OR10J1: variants seen among roughly 807,000 people sequenced by gnomAD.
The protein encoded by OR10J1 is olfactory receptor family 10 subfamily J member 1, also known as olfactory receptor 10J1.
For synonymous variants in OR10J1, 202 were observed against 143.8 expected, an observed-to-expected ratio of 1.40 and a Z score of -2.89; for missense variants, 474 against 376.6, an observed-to-expected ratio of 1.26 and a Z score of -2.14.
chr1:159,430,640 G>GTGT, the OR10J1 span, among the ~76,000 whole-genome samples: 1 of 140,828 alleles, frequency 7.1e-6, no homozygotes, highest in Admixed American at 7.1e-5. Flanking sequence ...AAAAAATTAT[G>GTGT]GTGTGTGTGT....
At chr1:159,425,521 G>T in the OR10J1 span, among the ~76,000 whole-genome samples, 1 of 152,028 alleles carries the variant, frequency 6.6e-6, no homozygotes, top group South Asian at 2.1e-4. Flanking sequence ...TTATAGTTCT[G>T]ATGGAGAGTT....
At chr1:159,413,607 A>G in the OR10J1 span, among the ~76,000 whole-genome samples, 1 of 151,082 alleles carries the variant, frequency 6.6e-6, no homozygotes, top group African/African-American at 2.4e-5. Context: ...CCAAACACCA[A>G]ATGTTCTCAC....
chr1:159,401,618 A>G, the OR10J1 span, among the ~76,000 whole-genome samples: 4 of 152,012 alleles, frequency 2.6e-5, no homozygotes, highest in Non-Finnish European at 2.9e-5. Context: ...AAAAGTTTCC[A>G]GGAAAGAAAA....
chr1:159,424,001 G>C, the OR10J1 span, among the ~76,000 whole-genome samples: 3 of 152,104 alleles, frequency 2.0e-5, no homozygotes, highest in Non-Finnish European at 2.9e-5. Flanking sequence ...TGGGTCACTA[G>C]GTCAGGAGTT....
chr1:159,439,867 AC>A lies in OR10J1; in HGVS notation c.79del (p.Leu27PhefsTer11). On this transcript the variant is annotated frameshift_variant, in exon 1 of 1. Transcript: ENST00000423932. LOFTEE classifies it low-confidence loss of function (END_TRUNC). ...GFSSFHEQQI[T>X]LFGVFLALYI... ...CTCTAGCTTCCATGAGCAGCAGATC[AC>A]CCTTTTTGGCGTGTTCCTTGCACTA... is the stretch of plus-strand genomic sequence containing the variant. 6.2e-7 allele frequency: 1 copy of A among 1,614,126 alleles called. No homozygotes were observed. The highest frequency in any genetic ancestry group is 8.5e-7 in the Non-Finnish European group (1 of 1,180,012).
the OR10J1 span, among the ~76,000 whole-genome samples, chr1:159,424,283 T>A: frequency 6.6e-6 from 1 of 150,716 alleles, no homozygotes; most frequent in South Asian, 2.1e-4. Context: ...AAAATAGAGA[T>A]AATGCATTAA....
At chr1:159,406,315 G>C in the OR10J1 span, 1 of 503,040 alleles carries the variant, frequency 2.0e-6, no homozygotes, top group Non-Finnish European at 4.1e-6. Context: ...CCTGAAGCTG[G>C]AGAAACCTTC....
chr1:159,405,955 G>A, the OR10J1 span: 7 of 485,076 alleles, frequency 1.4e-5, no homozygotes, highest in East Asian at 2.5e-4. Context: ...CCAGACACAA[G>A]CCCTCTTACC....
chr1:159,419,962 C>T, the OR10J1 span, among the ~76,000 whole-genome samples: 1 of 152,002 alleles, frequency 6.6e-6, no homozygotes, highest in African/African-American at 2.4e-5. Flanking sequence ...GAGTCTCTCT[C>T]TCTCTTTAGA....
At chr1:159,404,635 G>A in the OR10J1 span, among the ~76,000 whole-genome samples, 1 of 152,068 alleles carries the variant, frequency 6.6e-6, no homozygotes, top group Non-Finnish European at 1.5e-5. Flanking sequence ...AGCCTTGCCT[G>A]TACTATCCAA....
upstream of OR10J1, chr1:159,439,606 C>T (rs1655843833): frequency 4.3e-6 from 3 of 694,860 alleles, no homozygotes; most frequent in African/African-American, 1.8e-5. Flanking sequence ...CAGATGGTCA[C>T]AGAGTAAAAA....
chr1:159,421,414 A>T, the OR10J1 span, among the ~76,000 whole-genome samples: 4 of 151,946 alleles, frequency 2.6e-5, no homozygotes, highest in Non-Finnish European at 5.9e-5. Context: ...TTTGATTTGG[A>T]TCTCTTGCTG....
At position 159,440,548 on chromosome 1, in the gene OR10J1, T is replaced by TAC. The variant is rs752950492; in HGVS notation, c.757_758insAC (p.Cys253TyrfsTer21). The TAC allele has an allele frequency of 6.2e-7, 1 of 1,614,080 alleles. No homozygotes were observed. Among genetic ancestry groups the TAC allele is most frequent in the South Asian group, 1.1e-5 (1 of 91,072 alleles). ...CACTGTGGTCATTGTCCACTACAGC[T>TAC]GTGCCTCCATTGCCTACCTCAAGCC... is the stretch of plus-strand genomic sequence containing the variant. On this transcript the variant is annotated frameshift_variant, in exon 1 of 1. Transcript: ENST00000423932. LOFTEE classifies it low-confidence loss of function (END_TRUNC).
the OR10J1 span, among the ~76,000 whole-genome samples, chr1:159,414,056 A>G: frequency 1.3e-5 from 2 of 152,096 alleles, no homozygotes; most frequent in African/African-American, 4.8e-5. Flanking sequence ...TATTTAGGGT[A>G]TCTATCACCT....
the OR10J1 span, among the ~76,000 whole-genome samples, chr1:159,428,256 G>A: frequency 6.6e-6 from 1 of 152,096 alleles, no homozygotes; most frequent in Non-Finnish European, 1.5e-5. Context: ...TGCAGATGAT[G>A]TAGTCGTCAA....
chr1:159,404,873 G>A, the OR10J1 span, among the ~76,000 whole-genome samples: 1 of 152,134 alleles, frequency 6.6e-6, no homozygotes, highest in Non-Finnish European at 1.5e-5. Context: ...GTTCATTAAG[G>A]ATCAGGTGAA....
upstream of OR10J1, among the ~76,000 whole-genome samples, chr1:159,435,837 TC>T (rs1260461852): frequency 3.3e-5 from 5 of 152,218 alleles, no homozygotes; most frequent in Admixed American, 3.3e-4. Context: ...TGCATTAGGT[TC>T]TTTTGGCTGT....
At chr1:159,417,311 G>A in the OR10J1 span, among the ~76,000 whole-genome samples, 10 of 151,752 alleles carry the variant, frequency 6.6e-5, no homozygotes, top group Non-Finnish European at 7.4e-5. Flanking sequence ...TTCCTTTCTT[G>A]ATCAAATGGC....
chr1:159,407,626 C>T, the OR10J1 span, among the ~76,000 whole-genome samples: 108 of 152,162 alleles, frequency 7.1e-4, no homozygotes, highest in African/African-American at 2.5e-3. Context: ...AGAAACTGTG[C>T]ATGAATACAA....
Sources: allele counts gnomAD v4.1 joint callset (sites outside exome capture counted in the v4.1 genomes callset), GRCh38; gene constraint gnomAD v4.1.1; transcripts MANE v1.5; gene names NCBI Gene and HGNC (gene_info 2026-07-23, HGNC 2026-07-21).